Variants in NNMT observed in about 807,000 individuals in gnomAD.
The protein encoded by NNMT is nicotinamide N-methyltransferase.
In NNMT, 10 loss-of-function variants were observed where a neutral mutation model predicts 11.7. The ratio of observed to expected loss-of-function variants is 0.85; its 90% CI spans 0.53 to 1.45. NNMT has a LOEUF of 1.45. Among genes scored for constraint, NNMT ranks in the 40% most tolerant of loss-of-function variants. The pLI is 0.00. For synonymous variants in NNMT, 143 were observed against 133.8 expected, an observed-to-expected ratio of 1.07 and a Z score of -0.48; for missense variants, 381 against 319.4, an observed-to-expected ratio of 1.19 and a Z score of -1.47.
chr11:114,276,045 C>T (rs1272044140), intron 2 of NNMT, among the ~76,000 whole-genome samples: 1 of 152,110 alleles, frequency 6.6e-6, no homozygotes, highest in Non-Finnish European at 1.5e-5. Flanking sequence ...AAAGAATGGC[C>T]TCTGAAACCT....
chr11:114,274,527 G>C (rs1020004050), intron 2 of NNMT, among the ~76,000 whole-genome samples: 11 of 152,258 alleles, frequency 7.2e-5, no homozygotes, highest in Non-Finnish European at 1.5e-4. Context: ...TGCACCTTGA[G>C]GATGCCAGAG....
At chr11:114,300,206 A>T (rs185473195) in intron 2 of NNMT, among the ~76,000 whole-genome samples, 9 of 152,010 alleles carry the variant, frequency 5.9e-5, no homozygotes, top group African/African-American at 2.2e-4. Flanking sequence ...AATGCTGCAA[A>T]TTTCCTTTAG....
intron 1 of NNMT, among the ~76,000 whole-genome samples, chr11:114,261,800 C>T (rs1052614478): frequency 1.3e-5 from 2 of 152,168 alleles, no homozygotes; most frequent in Non-Finnish European, 2.9e-5. Flanking sequence ...CTTTTCTTCT[C>T]CCATCCACCA....
chr11:114,312,267 C>T lies in NNMT; in HGVS notation c.585C>T (p.Ile195=), dbSNP rs1437734711. 3 of 1,614,228 alleles carry T rather than the reference C, an allele frequency of 1.9e-6. No individual in the cohort carries two copies. Among genetic ancestry groups the T allele is most frequent in the Non-Finnish European group, 2.5e-6 (3 of 1,180,038 alleles). Residue 195 remains isoleucine (I), a synonymous_variant, in exon 3 of 3, where the codon ATC becomes ATT. Transcript: ENST00000299964. The stretch of plus-strand genomic sequence containing the variant: ...TGAAGCCAGGGGGCTTCCTGGTGAT[C>T]ATGGATGCGCTCAAGAGCAGCTACT... The part of the protein sequence containing the change: ...SLLKPGGFLV[I]MDALKSSYYM...
chr11:114,284,601 C>T (rs142252728), intron 2 of NNMT, among the ~76,000 whole-genome samples: 2,542 of 146,572 alleles, frequency 0.017, 42 homozygotes, highest in South Asian at 0.056. Context: ...GTAGCTGGGA[C>T]TACAGGCATG....
intron 1 of NNMT, 85 bp downstream of exon 1, chr11:114,296,795 T>C: frequency 2.2e-6 from 3 of 1,373,246 alleles, no homozygotes; most frequent in African/African-American, 2.9e-5. Context: ...GTGTCTCTCG[T>C]TGTTGCTTCA....
chr11:114,275,659 G>T (rs1235252633), intron 2 of NNMT, among the ~76,000 whole-genome samples: 1 of 152,086 alleles, frequency 6.6e-6, no homozygotes, highest in South Asian at 2.1e-4. Context: ...GTTATGGTTA[G>T]GTTTTGTGTT....
At chr11:114,309,783 C>A (rs1230687769) in intron 2 of NNMT, among the ~76,000 whole-genome samples, 1 of 152,218 alleles carries the variant, frequency 6.6e-6, no homozygotes, top group Non-Finnish European at 1.5e-5. Flanking sequence ...ACTCCCATTT[C>A]TCTCCAAATC....
chr11:114,267,123 G>A (rs917096802), intron 2 of NNMT, among the ~76,000 whole-genome samples: 1 of 152,026 alleles, frequency 6.6e-6, no homozygotes, highest in African/African-American at 2.4e-5. Context: ...AAATTAGCTG[G>A]GCGTGGTGGT....
intron 2 of NNMT, among the ~76,000 whole-genome samples, chr11:114,301,150 G>C (rs1057382355): frequency 6.6e-6 from 1 of 152,134 alleles, no homozygotes; most frequent in Non-Finnish European, 1.5e-5. Flanking sequence ...ATTGTTCGTG[G>C]GAATTAAAAA....
intron 2 of NNMT, among the ~76,000 whole-genome samples, chr11:114,268,216 G>T (rs1438590214): frequency 1.3e-5 from 2 of 151,948 alleles, no homozygotes; most frequent in Non-Finnish European, 2.9e-5. Flanking sequence ...GATCAACAGT[G>T]ACCTTGTTTC....
chr11:114,282,250 A>C (rs1460270861), intron 2 of NNMT, among the ~76,000 whole-genome samples: 3 of 152,170 alleles, frequency 2.0e-5, no homozygotes. Context: ...AATACCCCAA[A>C]ATTGTAAACA....
At chr11:114,262,052 C>A (rs1395801152) in intron 1 of NNMT, among the ~76,000 whole-genome samples, 3 of 152,098 alleles carry the variant, frequency 2.0e-5, no homozygotes, top group South Asian at 2.1e-4. Context: ...TGGGACGTGA[C>A]AGTAAAAGGC....
intron 2 of NNMT, among the ~76,000 whole-genome samples, chr11:114,268,977 AT>A (rs1945147192): frequency 6.6e-6 from 1 of 152,100 alleles, no homozygotes; most frequent in Admixed American, 6.5e-5. Context: ...TTCTGTTCTG[AT>A]TTTTAAATTT....
intron 2 of NNMT, among the ~76,000 whole-genome samples, chr11:114,273,409 G>A (rs1049928679): frequency 1.3e-5 from 2 of 152,166 alleles, no homozygotes; most frequent in African/African-American, 2.4e-5. Flanking sequence ...TTGATATTTT[G>A]TGTCAACCCA....
chr11:114,295,330 A>G (rs1945364726), upstream of NNMT, among the ~76,000 whole-genome samples: 1 of 152,106 alleles, frequency 6.6e-6, no homozygotes, highest in South Asian at 2.1e-4. Flanking sequence ...GGAATGCACG[A>G]AAGAATGCTT....
chr11:114,306,743 T>A (rs1279285748), intron 2 of NNMT, among the ~76,000 whole-genome samples: 2 of 152,316 alleles, frequency 1.3e-5, no homozygotes, highest in African/African-American at 4.8e-5. Flanking sequence ...GCTGTTTTGG[T>A]TACTGTAGCC....
intron 2 of NNMT, among the ~76,000 whole-genome samples, chr11:114,302,186 C>T (rs1945445223): frequency 6.6e-6 from 1 of 151,956 alleles, no homozygotes; most frequent in South Asian, 2.1e-4. Context: ...TTAAATCTAC[C>T]ATCTTGGTAT....
chr11:114,272,648 G>A (rs924701937), intron 2 of NNMT, among the ~76,000 whole-genome samples: 8 of 152,324 alleles, frequency 5.3e-5, no homozygotes, highest in African/African-American at 1.9e-4. Context: ...GCATCAGAAA[G>A]TAGGAAGCCT....
Sources: gnomAD v4.1 joint callset for allele counts (sites outside exome capture counted in the v4.1 genomes callset) on GRCh38, gnomAD v4.1.1 for gene constraint, MANE v1.5 for transcripts, NCBI Gene and HGNC (gene_info 2026-07-23, HGNC 2026-07-21) for gene names.